Variants in CRACD observed in about 807,000 individuals in gnomAD.
The protein encoded by CRACD is capping protein inhibiting regulator of actin dynamics.
CRACD carries 56 observed loss-of-function variants against 106.8 expected under a neutral mutation model. That is an observed-to-expected ratio of 0.52 (90% CI 0.42 to 0.66). CRACD has a LOEUF of 0.66. Ranked by LOEUF, CRACD falls within the 30% of genes least tolerant of loss-of-function variation. The pLI is 0.00. For synonymous variants in CRACD, 754 were observed against 670.8 expected, an observed-to-expected ratio of 1.12 and a Z score of -1.92; for missense variants, 1,730 against 1,623.2, an observed-to-expected ratio of 1.07 and a Z score of -1.13.
At position 56,323,457 on chromosome 4, in the gene CRACD, A is replaced by T; in HGVS notation, c.3268A>T (p.Ile1090Leu). ...EKVETAQPLW[I>L]TLALQKQKGF... is the part of the protein sequence containing the mutation. The stretch of plus-strand genomic sequence containing the variant: ...AGTGGAAACTGCTCAGCCGCTGTGG[A>T]TAACGTTAGCACTGCAAAAGCAAAA... Residue 1090 changes from isoleucine (I) to leucine (L), a missense_variant, in exon 9 of 11, where the codon ATA (isoleucine) becomes TTA (leucine). Around this residue, in one of 5 missense-constraint regions of CRACD, gnomAD observed 1,620 missense variants for 1,481.6 expected, o/e 1.09. Coordinates refer to ENST00000682029, the MANE Select transcript of CRACD (RefSeq NM_001393381.1). 1 of 1,612,188 alleles carries T rather than the reference A, an allele frequency of 6.2e-7. No homozygotes were observed. The highest frequency in any genetic ancestry group is 1.3e-5 in the African/African-American group (1 of 74,864).
chr4:56,232,909 A>G (rs1292204453), intron 2 of CRACD, among the ~76,000 whole-genome samples: 1 of 151,448 alleles, frequency 6.6e-6, no homozygotes, highest in Non-Finnish European at 1.5e-5. Context: ...TTGTATTTTT[A>G]GTACAGACGG....
intron 2 of CRACD, among the ~76,000 whole-genome samples, chr4:56,179,928 A>C (rs1736741825): frequency 6.6e-6 from 1 of 152,170 alleles, no homozygotes; most frequent in African/African-American, 2.4e-5. Flanking sequence ...GAGGCAGGAG[A>C]ATCGCTTGAA....
chr4:56,077,942 A>G (rs1464647537), intron 1 of CRACD, among the ~76,000 whole-genome samples: 1 of 152,184 alleles, frequency 6.6e-6, no homozygotes, highest in Non-Finnish European at 1.5e-5. Context: ...TTTTGAAAGG[A>G]ATGCAGGAAT....
At chr4:56,086,086 T>G (rs182613482) in intron 1 of CRACD, among the ~76,000 whole-genome samples, 2 of 152,270 alleles carry the variant, frequency 1.3e-5, no homozygotes, top group African/African-American at 4.8e-5. Flanking sequence ...TGGCTTTCTT[T>G]GCAGATGGAG....
intron 3 of CRACD, among the ~76,000 whole-genome samples, chr4:56,290,013 C>T (rs1013959938): frequency 1.3e-5 from 2 of 152,028 alleles, no homozygotes; most frequent in Non-Finnish European, 2.9e-5. Flanking sequence ...TGGCTGTTGG[C>T]TGTGTGAGGG....
At chr4:56,142,773 C>T (rs13144710) in intron 1 of CRACD, among the ~76,000 whole-genome samples, 46,585 of 151,908 alleles carry the variant, frequency 0.31, 7,292 homozygotes, top group Non-Finnish European at 0.32. Context: ...TTGATTGTCA[C>T]AACAGCAATT....
At chr4:56,200,228 A>G (rs1367108173) in intron 2 of CRACD, among the ~76,000 whole-genome samples, 2 of 151,976 alleles carry the variant, frequency 1.3e-5, no homozygotes, top group African/African-American at 4.8e-5. Context: ...CTGTTGATAA[A>G]TGGAATTAAT....
chr4:56,315,450 G>A lies in CRACD; in HGVS notation c.1948G>A (p.Gly650Arg), dbSNP rs748045935. The change falls in exon 8 of 11, where the codon GGG (glycine) becomes AGG (arginine). Residue 650 changes from glycine to arginine, a missense_variant. Physicochemically the swap from Gly to Arg is moderately radical, Grantham distance 125. This residue lies in a region of CRACD where 1,620 missense variants were observed against 1,481.6 expected (regional missense o/e 1.09). Transcript: ENST00000682029. The surrounding 1 kb of genome is among the most constrained non-coding windows in gnomAD (Gnocchi z 4.1). ...CCCCGGCGACGCGAGGGCGGGCAGC[G>A]GGAAGGCTAAGCCCCGCCAGGAGTC... ...RGPGDARAGSGKAKPRQESPS... is the reference protein window; with the variant it reads ...RGPGDARAGSRKAKPRQESPS... The A allele has an allele frequency of 8.3e-5, 134 of 1,612,840 alleles. 1 individual carries two copies. The highest frequency in any genetic ancestry group is 1.1e-4 in the Non-Finnish European group (127 of 1,179,800).
At chr4:56,115,350 T>C (rs1366312152) in intron 1 of CRACD, among the ~76,000 whole-genome samples, 1 of 152,252 alleles carries the variant, frequency 6.6e-6, no homozygotes, top group East Asian at 1.9e-4. Context: ...AATGTGGCTT[T>C]TGGACAAATC....
intron 1 of CRACD, among the ~76,000 whole-genome samples, chr4:56,086,356 C>T (rs1157739792): frequency 1.3e-5 from 2 of 152,082 alleles, no homozygotes; most frequent in Non-Finnish European, 2.9e-5. Context: ...TGGCTCATTA[C>T]AGCCTTGACC....
chr4:56,204,575 C>G lies in CRACD; in HGVS notation c.-189+25145C>G, dbSNP rs140987323. 5.4e-3 allele frequency among the ~76,000 whole-genome samples: 819 copies of G among 152,280 alleles called. 6 individuals carry two copies. Among genetic ancestry groups the G allele is most frequent in the African/African-American group, 0.019 (778 of 41,554 alleles). Reference sequence around the variant, plus strand: ...TGACCTGATCACCTCTTAAAGATCCCACCTCTTAATGCCATCACAATGGCA... The same window carrying G: ...TGACCTGATCACCTCTTAAAGATCCGACCTCTTAATGCCATCACAATGGCA... On this transcript the variant is annotated intron_variant, in intron 2 of 10. Transcript: ENST00000682029.
chr4:56,159,738 T>C (rs1048362053), intron 1 of CRACD, among the ~76,000 whole-genome samples: 3 of 152,126 alleles, frequency 2.0e-5, no homozygotes, highest in African/African-American at 7.2e-5. Flanking sequence ...TACAGTCTCA[T>C]CTCCTTGAGT....
chr4:56,296,925 T>C (rs547441816), intron 3 of CRACD, among the ~76,000 whole-genome samples: 4 of 150,216 alleles, frequency 2.7e-5, no homozygotes, highest in African/African-American at 2.4e-5. Context: ...TGTTTGTTTT[T>C]TTTTTTTTTT....
intron 3 of CRACD, among the ~76,000 whole-genome samples, chr4:56,294,913 C>CAAAAAAAAAAAAAAAAAAA (rs56200534): frequency 9.7e-5 from 7 of 72,158 alleles, no homozygotes; most frequent in Admixed American, 1.9e-4. Context: ...GACCTTGTCT[C>CAAAAAAAAAAAAAAAAAAA]AAAAAAAAAA....
At chr4:56,293,412 TA>T (rs922798699) in intron 3 of CRACD, among the ~76,000 whole-genome samples, 6 of 152,142 alleles carry the variant, frequency 3.9e-5, no homozygotes, top group Non-Finnish European at 8.8e-5. Flanking sequence ...GTAAAACTGC[TA>T]AAAAACAAAG....
chr4:56,139,668 G>T (rs1460994720), intron 1 of CRACD, among the ~76,000 whole-genome samples: 1 of 152,152 alleles, frequency 6.6e-6, no homozygotes, highest in African/African-American at 2.4e-5. Flanking sequence ...GAAGAGAAAT[G>T]CTTCCATATG....
chr4:56,267,852 T>A (rs918714893), intron 2 of CRACD, among the ~76,000 whole-genome samples: 1 of 152,224 alleles, frequency 6.6e-6, no homozygotes, highest in African/African-American at 2.4e-5. Flanking sequence ...ACCTTTTTGA[T>A]AAACAGTCTT....
intron 4 of CRACD, among the ~76,000 whole-genome samples, chr4:56,300,260 G>C (rs915037712): frequency 4.6e-5 from 7 of 152,170 alleles, no homozygotes; most frequent in African/African-American, 1.7e-4. Flanking sequence ...GCTAAATGTA[G>C]CATGTGGCAG....
chr4:56,223,619 C>A (rs1382230111), intron 2 of CRACD, among the ~76,000 whole-genome samples: 1 of 152,186 alleles, frequency 6.6e-6, no homozygotes, highest in Admixed American at 6.5e-5. Context: ...TGGTCTTTCT[C>A]CACTGACTTA....
Sources: allele counts gnomAD v4.1 joint callset (sites outside exome capture counted in the v4.1 genomes callset), GRCh38; gene constraint gnomAD v4.1.1; regional missense constraint gnomAD v4.1.1; non-coding constraint Gnocchi (gnomAD v3.1); transcripts MANE v1.5; gene names NCBI Gene and HGNC (gene_info 2026-07-23, HGNC 2026-07-21).